CACNB2: variants seen among roughly 807,000 people sequenced by gnomAD.
CACNB2 encodes calcium voltage-gated channel auxiliary subunit beta 2.
Under a neutral mutation model 73.3 loss-of-function variants are expected in CACNB2, and 42 were observed. The ratio of observed to expected loss-of-function variants is 0.57; its 90% CI spans 0.45 to 0.74. CACNB2 has a LOEUF of 0.74. Ranked by LOEUF, CACNB2 falls within the 30% of genes least tolerant of loss-of-function variation. The pLI is 0.00. For synonymous variants in CACNB2, 348 were observed against 310.3 expected, an observed-to-expected ratio of 1.12 and a Z score of -1.28; for missense variants, 940 against 853.0, an observed-to-expected ratio of 1.10 and a Z score of -1.27.
In CACNB2 at chr10:18,539,822, A is replaced by G; in HGVS notation, c.*98A>G. 1 of 1,197,416 alleles carries G rather than the reference A, an allele frequency of 8.4e-7. No individual in the cohort carries two copies. The highest frequency in any genetic ancestry group is 1.5e-5 in the African/African-American group (1 of 64,948). 74.2% of individuals were successfully genotyped at this position (1,197,416 alleles called of 1,614,324 possible). A position where few individuals can be genotyped will look rare whatever the true frequency, so the allele number is the denominator to read the frequency against. ...TCTTTGGGGTCTACACTGCAATCAT[A>G]TGTGATCTGTCTTGTAATATTTTGT... On this transcript the variant is annotated 3_prime_UTR_variant, in exon 14 of 14. Transcript: ENST00000324631.
In CACNB2 at chr10:18,261,035, C is replaced by A. The variant is rs536234420; in HGVS notation, c.213+110060C>A. On this transcript the variant is annotated intron_variant, in intron 2 of 13. Transcript: ENST00000324631. ...TAGGAAACCCCCTTGAAGAAGATCT[C>A]AAATTACGCCCCCCACCCCCAAAAA... is the stretch of plus-strand genomic sequence containing the variant. The A allele has an allele frequency of 5.1e-4, 720 of 1,413,050 alleles. 4 individuals are homozygous for A. In the African/African-American group the frequency reaches 9.7e-3, roughly 19 times the overall value. The allele number at this position is 1,413,050 out of a possible 1,614,324, so 87.5% of individuals were successfully genotyped here.
At chr10:18,355,940 A>AT (rs1229319426) in intron 2 of CACNB2, among the ~76,000 whole-genome samples, 1 of 151,798 alleles carries the variant, frequency 6.6e-6, no homozygotes, top group Non-Finnish European at 1.5e-5. Context: ...CCGGCCTCTG[A>AT]TTTTTTATTC....
chr10:18,326,201 GA>G (rs966937067), intron 2 of CACNB2, among the ~76,000 whole-genome samples: 1 of 152,060 alleles, frequency 6.6e-6, no homozygotes, highest in Non-Finnish European at 1.5e-5. Context: ...TTTTAAAAAG[GA>G]AAAAAATGGA....
At chr10:18,150,999 T>C in intron 2 of CACNB2, 24 bp downstream of exon 2, 1 of 1,370,652 alleles carries the variant, frequency 7.3e-7, no homozygotes, top group Non-Finnish European at 1.0e-6. Context: ...GTTCATGGTT[T>C]TGATAAGTAC....
intron 2 of CACNB2, among the ~76,000 whole-genome samples, chr10:18,397,544 G>A (rs915512329): frequency 8.6e-5 from 13 of 151,652 alleles, no homozygotes; most frequent in African/African-American, 2.9e-4. Flanking sequence ...ATGAAACCCC[G>A]TCTCTACTAA....
chr10:18,246,310 T>C (rs1239918490), intron 2 of CACNB2, among the ~76,000 whole-genome samples: 3 of 152,212 alleles, frequency 2.0e-5, no homozygotes, highest in Admixed American at 2.0e-4. Context: ...AAGCACTCTA[T>C]AAATGTTTAA....
At chr10:18,533,369 G>A (rs1589736362) in intron 10 of CACNB2, 1 of 152,030 alleles carries the variant, frequency 6.6e-6, no homozygotes, top group South Asian at 2.1e-4. Context: ...CAGACAGTCC[G>A]GTTTTTGAGT....
rs538588827 is a variant in CACNB2, at chr10:18,341,356, A to C, written c.214-60568A>C. On this transcript the variant is annotated intron_variant, in intron 2 of 13. Coordinates refer to ENST00000324631, the MANE Select transcript of CACNB2 (RefSeq NM_201596.3). Reference sequence around the variant, plus strand: ...GTGTGTCTGAGACCTATCTGTGTAAATCAGGATGGTCTGACTTGCTGTGTT... The same window carrying C: ...GTGTGTCTGAGACCTATCTGTGTAACTCAGGATGGTCTGACTTGCTGTGTT... Among the ~76,000 whole-genome samples, 78 of 152,294 alleles carry C rather than the reference A, an allele frequency of 5.1e-4. 1 individual carries two copies. The South Asian group carries it at 0.016, about 31-fold the overall frequency.
intron 2 of CACNB2, among the ~76,000 whole-genome samples, chr10:18,213,477 C>G (rs918922061): frequency 3.9e-5 from 6 of 152,192 alleles, no homozygotes; most frequent in Admixed American, 3.3e-4. Context: ...TGTTCCATTT[C>G]ATGATGCCAG....
chr10:18,329,988 G>A (rs10828528), intron 2 of CACNB2, among the ~76,000 whole-genome samples: 28,095 of 151,704 alleles, frequency 0.19, 3,071 homozygotes, highest in African/African-American at 0.29. Flanking sequence ...TTACAGGCAC[G>A]CACCACCCTG....
chr10:18,171,182 C>G (rs2033199451), intron 2 of CACNB2, among the ~76,000 whole-genome samples: 1 of 151,914 alleles, frequency 6.6e-6, no homozygotes, highest in African/African-American at 2.4e-5. Flanking sequence ...TCAGTCCTGT[C>G]TTCTGCCAGG....
At chr10:18,502,703 A>C (rs889258589) in intron 5 of CACNB2, among the ~76,000 whole-genome samples, 8 of 129,852 alleles carry the variant, frequency 6.2e-5, no homozygotes, top group Admixed American at 2.2e-4. Context: ...AAAAAAAAAA[A>C]AAAAAAAAAA....
At chr10:18,269,190 C>T (rs1830647612) in intron 2 of CACNB2, among the ~76,000 whole-genome samples, 1 of 152,154 alleles carries the variant, frequency 6.6e-6, no homozygotes, top group Admixed American at 6.5e-5. Flanking sequence ...GAGATCTAAG[C>T]AGGTGAATTT....
intron 2 of CACNB2, among the ~76,000 whole-genome samples, chr10:18,294,081 A>C (rs952916367): frequency 6.6e-6 from 1 of 152,184 alleles, no homozygotes; most frequent in African/African-American, 2.4e-5. Context: ...TTGTCTCTTT[A>C]ACCACATAGT....
chr10:18,472,554 C>T (rs974153262), intron 3 of CACNB2, among the ~76,000 whole-genome samples: 10 of 151,996 alleles, frequency 6.6e-5, no homozygotes, highest in South Asian at 2.1e-4. Context: ...CATTTTTCTA[C>T]GCTTCTTGCC....
intron 9 of CACNB2, among the ~76,000 whole-genome samples, chr10:18,521,910 A>G (rs2051927861): frequency 1.3e-5 from 2 of 152,178 alleles, no homozygotes; most frequent in Non-Finnish European, 2.9e-5. Flanking sequence ...TCCCCGGGTC[A>G]CAGATCAGTA....
chr10:18,373,796 G>A (rs924520360), intron 2 of CACNB2, among the ~76,000 whole-genome samples: 144 of 152,274 alleles, frequency 9.5e-4, no homozygotes, highest in African/African-American at 3.3e-3. Flanking sequence ...TGCTTTGGGG[G>A]AAGTATTTAT....
chr10:18,512,354 T>A (rs2050849839), intron 6 of CACNB2, among the ~76,000 whole-genome samples: 1 of 152,138 alleles, frequency 6.6e-6, no homozygotes, highest in African/African-American at 2.4e-5. Context: ...CCATTAGTCT[T>A]CATCAGCCTA....
At chr10:18,192,273 T>TTCATTCATTCAC (rs2034436590) in intron 2 of CACNB2, among the ~76,000 whole-genome samples, 1 of 149,996 alleles carries the variant, frequency 6.7e-6, no homozygotes, top group African/African-American at 2.5e-5. Flanking sequence ...CTTACGTTCA[T>TTCATTCATTCAC]TCATTCATTC....
Sources: allele counts gnomAD v4.1 joint callset (sites outside exome capture counted in the v4.1 genomes callset), GRCh38; gene constraint gnomAD v4.1.1; transcripts MANE v1.5; gene names NCBI Gene and HGNC (gene_info 2026-07-23, HGNC 2026-07-21).